The following PDGFD variants were observed in gnomAD, a reference collection of about 807,000 sequenced individuals.
The protein encoded by PDGFD is platelet-derived growth factor D.
Under a neutral mutation model 44.7 loss-of-function variants are expected in PDGFD, and 30 were observed. That is an observed-to-expected ratio of 0.67 (90% confidence interval 0.50 to 0.91). The LOEUF (loss-of-function observed/expected upper bound fraction) is 0.91, where lower values mean the gene tolerates loss of function less well. Ranked by LOEUF, PDGFD falls within the 40% of genes least tolerant of loss-of-function variation. The probability of loss-of-function intolerance (pLI) is 0.00; values close to 1 mark genes in which losing one functional copy is unlikely to be tolerated. For missense variants in PDGFD, 445 were observed against 457.8 expected (o/e 0.97, Z 0.25); for synonymous variants, 173 against 168.4 (o/e 1.03, Z -0.21).
At chr11:104,116,804 T>G (rs568691350) in intron 1 of PDGFD, among the ~76,000 whole-genome samples, 4 of 152,006 alleles carry the variant, frequency 2.6e-5, no homozygotes, top group African/African-American at 9.7e-5. Context: ...ATTTTCATGA[T>G]AGTGAATAAG....
intron 1 of PDGFD, among the ~76,000 whole-genome samples, chr11:104,044,003 G>C (rs1860401243): frequency 6.6e-6 from 1 of 152,190 alleles, no homozygotes; most frequent in South Asian, 2.1e-4. Context: ...AAAAGGATTT[G>C]GGGCTTACAC....
At chr11:103,976,166 T>C (rs1030491979) in intron 3 of PDGFD, among the ~76,000 whole-genome samples, 1 of 152,182 alleles carries the variant, frequency 6.6e-6, no homozygotes. Flanking sequence ...TCTTCTCTTA[T>C]TTCCTTAAGC....
intron 1 of PDGFD, among the ~76,000 whole-genome samples, chr11:104,007,965 T>G (rs996726167): frequency 3.3e-5 from 5 of 152,212 alleles, no homozygotes; most frequent in African/African-American, 4.8e-5. Context: ...AATAATTGTT[T>G]TGTTGTTACT....
intron 1 of PDGFD, among the ~76,000 whole-genome samples, chr11:104,084,743 T>C (rs1238337341): frequency 7.8e-6 from 1 of 128,552 alleles, no homozygotes; most frequent in African/African-American, 3.9e-5. Context: ...ATATATGTAA[T>C]ATATTATAGT....
intron 1 of PDGFD, among the ~76,000 whole-genome samples, chr11:104,151,261 T>A (rs1205713532): frequency 6.6e-6 from 1 of 152,118 alleles, no homozygotes; most frequent in African/African-American, 2.4e-5. Context: ...CATATTTTGT[T>A]CAAAAAATTA....
chr11:103,913,399 C>T (rs893489548), intron 6 of PDGFD, among the ~76,000 whole-genome samples: 2 of 152,136 alleles, frequency 1.3e-5, no homozygotes, highest in Non-Finnish European at 2.9e-5. Flanking sequence ...TCCTGAATGA[C>T]TACTGGGTAA....
chr11:104,085,025 A>G (rs1056520671), intron 1 of PDGFD, among the ~76,000 whole-genome samples: 1 of 150,622 alleles, frequency 6.6e-6, no homozygotes, highest in Non-Finnish European at 1.5e-5. Context: ...TTACATAACC[A>G]TAGTATATTT....
chr11:103,949,660 G>T (rs1041993297), intron 3 of PDGFD, among the ~76,000 whole-genome samples: 1 of 152,194 alleles, frequency 6.6e-6, no homozygotes, highest in African/African-American at 2.4e-5. Context: ...CTGTGGGTAG[G>T]ATCATGAGGA....
chr11:104,000,796 A>G (rs1338051732), intron 1 of PDGFD, among the ~76,000 whole-genome samples: 1 of 152,102 alleles, frequency 6.6e-6, no homozygotes, highest in Non-Finnish European at 1.5e-5. Context: ...GAAAAATCAT[A>G]ATTTTGTGTC....
chr11:104,037,985 T>C (rs745370740), intron 1 of PDGFD: 1 of 1,613,714 alleles, frequency 6.2e-7, no homozygotes, highest in African/African-American at 1.3e-5. Context: ...ACACATTCAG[T>C]CATGGATTCA....
chr11:104,150,386 T>C (rs371487630), intron 1 of PDGFD, among the ~76,000 whole-genome samples: 4 of 152,156 alleles, frequency 2.6e-5, no homozygotes, highest in African/African-American at 9.7e-5. Flanking sequence ...ACTGTCAATA[T>C]AGATTTACTG....
intron 1 of PDGFD, among the ~76,000 whole-genome samples, chr11:104,077,583 A>C (rs1591152233): frequency 3.3e-5 from 5 of 152,334 alleles, no homozygotes; most frequent in Middle Eastern, 3.4e-3. Flanking sequence ...ACAGAAGTCC[A>C]AAAGAGAATT....
chr11:104,035,603 TTGATAA>T (rs1860218124), intron 1 of PDGFD, among the ~76,000 whole-genome samples: 1 of 147,828 alleles, frequency 6.8e-6, no homozygotes, highest in East Asian at 2.0e-4. Context: ...TTCTTGCTAA[TTGATAA>T]TATTTAATAT....
chr11:104,099,239 C>G (rs1861332509), intron 1 of PDGFD, among the ~76,000 whole-genome samples: 1 of 152,138 alleles, frequency 6.6e-6, no homozygotes. Context: ...TTATGCAGTG[C>G]TCTAAAAATT....
At chr11:104,107,218 C>T (rs1861483689) in intron 1 of PDGFD, among the ~76,000 whole-genome samples, 1 of 152,140 alleles carries the variant, frequency 6.6e-6, no homozygotes, top group African/African-American at 2.4e-5. Flanking sequence ...CACATGTGCC[C>T]TTTAAAAGAG....
chr11:104,020,334 C>T (rs538874898), intron 1 of PDGFD, among the ~76,000 whole-genome samples: 31 of 152,090 alleles, frequency 2.0e-4, no homozygotes, highest in Admixed American at 1.4e-3. Flanking sequence ...AAAATATAAA[C>T]TCCACAAAGT....
intron 6 of PDGFD, among the ~76,000 whole-genome samples, chr11:103,918,826 A>T (rs1447600501): frequency 2.0e-5 from 3 of 152,170 alleles, no homozygotes; most frequent in African/African-American, 7.2e-5. Context: ...GAAAGAAGGA[A>T]GAAAGCAAGG....
intron 3 of PDGFD, among the ~76,000 whole-genome samples, chr11:103,967,395 C>A (rs1591099194): frequency 6.6e-6 from 1 of 152,238 alleles, no homozygotes; most frequent in East Asian, 1.9e-4. Flanking sequence ...TTCTTATGTA[C>A]CCCAACTTCT....
In PDGFD at chr11:103,953,119, C is replaced by A. The variant is rs184331082; in HGVS notation, c.511-5395G>T. On this transcript the variant is annotated intron_variant, in intron 3 of 6. Coordinates refer to ENST00000393158, the MANE Select transcript of PDGFD (RefSeq NM_025208.5). ...TGCTAAAGTCAGAAAGCATAAAAAT[C>A]GATACACCTTATATAACATTTTGTA... 9.3e-5 allele frequency among the ~76,000 whole-genome samples: 14 copies of A among 150,834 alleles called. No individual in the cohort carries two copies. In the East Asian group the frequency reaches 1.8e-3, roughly 20 times the overall value.
Sources: allele counts gnomAD v4.1 joint callset (sites outside exome capture counted in the v4.1 genomes callset), GRCh38; gene constraint gnomAD v4.1.1; transcripts MANE v1.5; gene names NCBI Gene and HGNC (gene_info 2026-07-23, HGNC 2026-07-21).